Variants in PTPRM observed in about 807,000 individuals in gnomAD.
PTPRM encodes protein tyrosine phosphatase receptor type M.
PTPRM carries 47 observed loss-of-function variants against 186.7 expected under a neutral mutation model. The observed-to-expected ratio is 0.25, with a 90% confidence interval of 0.20 to 0.32. The LOEUF (loss-of-function observed/expected upper bound fraction) is 0.32. PTPRM is among the 10% of genes least tolerant of loss of function. The pLI is 1.00. For missense variants in PTPRM, 1,494 were observed against 1,865.0 expected, an observed-to-expected ratio of 0.80 and a Z score of 3.66; for synonymous variants, 668 against 674.9, an observed-to-expected ratio of 0.99 and a Z score of 0.16.
chr18:7,627,586 G>T (rs548434807), intron 1 of PTPRM, among the ~76,000 whole-genome samples: 1 of 152,308 alleles, frequency 6.6e-6, no homozygotes, highest in African/African-American at 2.4e-5. Flanking sequence ...CCTGCGGTGA[G>T]GCTCGGTTCA....
rs528097910 is a variant in PTPRM at position 7,636,628 on chromosome 18, A to C, written c.73+68737A>C. 2.6e-4 allele frequency among the ~76,000 whole-genome samples: 40 copies of C among 152,306 alleles called. No individual in the cohort carries two copies. In the East Asian group the frequency reaches 6.2e-3, roughly 24 times the overall value. On this transcript the variant is annotated intron_variant, in intron 1 of 32. Transcript: ENST00000580170. The stretch of plus-strand genomic sequence containing the variant: ...GATGAGACCTGCTTACATGGCTGTC[A>C]GTACAGGACAGAGGAGGCGCGTGCT...
intron 2 of PTPRM, among the ~76,000 whole-genome samples, chr18:7,849,789 A>C (rs1805687528): frequency 6.6e-6 from 1 of 152,212 alleles, no homozygotes; most frequent in African/African-American, 2.4e-5. Context: ...AACATATGAG[A>C]GGGGGAGGCA....
intron 5 of PTPRM, among the ~76,000 whole-genome samples, chr18:7,942,654 G>A (rs796711417): frequency 1.4e-4 from 21 of 152,052 alleles, no homozygotes; most frequent in South Asian, 1.3e-3. Flanking sequence ...GGGGGGGCGG[G>A]GAGGGAATGG....
rs1334717951 is a variant in PTPRM, at chr18:8,165,283, C to T, written c.2300+21504C>T. Among the ~76,000 whole-genome samples, 6 of 152,168 alleles carry T rather than the reference C, an allele frequency of 3.9e-5. No homozygotes were observed. The East Asian group carries it at 9.6e-4, about 24-fold the overall frequency. On this transcript the variant is annotated intron_variant, in intron 14 of 32. Transcript: ENST00000580170. Reference sequence around the variant, plus strand: ...TTCTAATCAATGGTCAGCCTCTGAGCATTGGAGCACTCAGTGGTACTTGTA... The same window carrying T: ...TTCTAATCAATGGTCAGCCTCTGAGTATTGGAGCACTCAGTGGTACTTGTA...
chr18:7,731,869 G>T (rs2040665921), intron 1 of PTPRM, among the ~76,000 whole-genome samples: 1 of 152,162 alleles, frequency 6.6e-6, no homozygotes, highest in Admixed American at 6.5e-5. Context: ...TAACATTAGA[G>T]AACTGATAAA....
chr18:8,357,780 G>C (rs1178636311), intron 23 of PTPRM, among the ~76,000 whole-genome samples: 1 of 152,120 alleles, frequency 6.6e-6, no homozygotes, highest in Non-Finnish European at 1.5e-5. Flanking sequence ...GTTTAAAGGA[G>C]ATGCAAAAAC....
In PTPRM at chr18:7,807,691, G is replaced by T. The variant is rs139761228; in HGVS notation, c.196+33420G>T. ...AAAAACAAGTGCACCACTCTGTTGA[G>T]AAATGAAAGATAAACATAGCATAAT... On this transcript the variant is annotated intron_variant, in intron 2 of 32. Transcript: ENST00000580170. Among the ~76,000 whole-genome samples the T allele has an allele frequency of 4.8e-3, 734 of 152,336 alleles. 10 individuals carry two copies. The highest frequency in any genetic ancestry group is 0.016 in the African/African-American group (675 of 41,584).
chr18:8,125,340 T>C (rs2092306003), intron 13 of PTPRM, among the ~76,000 whole-genome samples: 1 of 152,138 alleles, frequency 6.6e-6, no homozygotes, highest in Non-Finnish European at 1.5e-5. Context: ...GTCATTGCAC[T>C]AGGGAGTGTT....
intron 21 of PTPRM, among the ~76,000 whole-genome samples, chr18:8,316,197 A>G (rs1265299232): frequency 1.3e-5 from 2 of 152,020 alleles, no homozygotes; most frequent in African/African-American, 4.8e-5. Context: ...CACCGTTCAC[A>G]CTCCAGTCCC....
chr18:7,798,641 A>G (rs1568146047), intron 2 of PTPRM, among the ~76,000 whole-genome samples: 1 of 152,028 alleles, frequency 6.6e-6, no homozygotes, highest in Admixed American at 6.6e-5. Flanking sequence ...TTCAGCTCTG[A>G]TTTTTGTTTT....
chr18:8,344,723 G>C (rs1289913323), intron 23 of PTPRM, among the ~76,000 whole-genome samples: 1 of 151,860 alleles, frequency 6.6e-6, no homozygotes. Flanking sequence ...AGGGGGTTCT[G>C]TGTGAGTGTT....
intron 1 of PTPRM, among the ~76,000 whole-genome samples, chr18:7,659,223 T>C (rs2038924393): frequency 6.6e-6 from 1 of 152,128 alleles, no homozygotes; most frequent in Non-Finnish European, 1.5e-5. Context: ...TATTTTCCTA[T>C]TTTCGTTTGT....
At chr18:7,772,103 T>C (rs1157170868) in intron 1 of PTPRM, among the ~76,000 whole-genome samples, 3 of 152,158 alleles carry the variant, frequency 2.0e-5, no homozygotes, top group Admixed American at 1.3e-4. Context: ...GCTGCCAGGA[T>C]GGTTGAAGGG....
chr18:8,305,428 A>G (rs952685401), intron 20 of PTPRM, among the ~76,000 whole-genome samples: 2 of 152,310 alleles, frequency 1.3e-5, no homozygotes, highest in African/African-American at 2.4e-5. Flanking sequence ...CTACTTACTA[A>G]TGATTACTTA....
intron 22 of PTPRM, among the ~76,000 whole-genome samples, chr18:8,334,050 C>T (rs1366215749): frequency 2.0e-5 from 3 of 152,238 alleles, no homozygotes; most frequent in African/African-American, 7.2e-5. Context: ...CACTTCATCT[C>T]CTAAGCCTGT....
intron 3 of PTPRM, among the ~76,000 whole-genome samples, chr18:7,899,886 A>G (rs566139778): frequency 1.3e-5 from 2 of 152,306 alleles, no homozygotes; most frequent in Admixed American, 6.5e-5. Context: ...TAAAAATTTG[A>G]TAATGATATT....
intron 1 of PTPRM, among the ~76,000 whole-genome samples, chr18:7,757,274 A>C (rs1314449517): frequency 6.6e-6 from 1 of 152,194 alleles, no homozygotes; most frequent in Non-Finnish European, 1.5e-5. Context: ...TTCCTGACTA[A>C]ATTAAACTCA....
intron 19 of PTPRM, among the ~76,000 whole-genome samples, chr18:8,272,106 G>A (rs1392687370): frequency 6.6e-6 from 1 of 151,458 alleles, no homozygotes; most frequent in East Asian, 1.9e-4. Context: ...CCAGCTACTC[G>A]GGAGAGGAGA....
At chr18:7,911,566 GTTGT>G (rs1293430563) in intron 4 of PTPRM, among the ~76,000 whole-genome samples, 3 of 152,042 alleles carry the variant, frequency 2.0e-5, no homozygotes, top group African/African-American at 4.8e-5. Flanking sequence ...TTTTAATTGA[GTTGT>G]TTATCTTTTT....
Sources: gnomAD v4.1 joint callset for allele counts (sites outside exome capture counted in the v4.1 genomes callset) on GRCh38, gnomAD v4.1.1 for gene constraint, MANE v1.5 for transcripts, NCBI Gene and HGNC (gene_info 2026-07-23, HGNC 2026-07-21) for gene names.